The following PLEKHA6 variants were observed in gnomAD, a reference collection of about 807,000 sequenced individuals.
The protein encoded by PLEKHA6 is pleckstrin homology domain-containing family A member 6.
A neutral mutation model predicts 116.7 loss-of-function variants in PLEKHA6; 60 were observed. The observed-to-expected ratio is 0.51, with a 90% CI of 0.42 to 0.64. The LOEUF is 0.64. PLEKHA6 is among the 30% of genes least tolerant of loss of function. The pLI, the probability that PLEKHA6 is intolerant of heterozygous loss-of-function variation, is 0.00. For missense variants in PLEKHA6, 1,338 were observed against 1,422.7 expected (o/e 0.94, Z 0.96); for synonymous variants, 489 against 556.1 (o/e 0.88, Z 1.70).
intron 1 of PLEKHA6, among the ~76,000 whole-genome samples, chr1:204,320,265 G>A (rs4245729): frequency 0.43 from 65,011 of 151,952 alleles, 14,299 homozygotes; most frequent in Middle Eastern, 0.5. Flanking sequence ...TTAGGAGGAT[G>A]GTGGCATGCA....
At position 204,222,759 on chromosome 1, in the gene PLEKHA6, TGGC is replaced by T. The variant is rs1191861845; in HGVS notation, c.*26_*28del. Reference sequence around the variant, plus strand: ...GTGGCTCTGTGGAGCTTCACAGCATTGGCCTCAGCCAGGGCTTGCACTGGAGAA... The same window carrying T: ...GTGGCTCTGTGGAGCTTCACAGCATTCTCAGCCAGGGCTTGCACTGGAGAA... On this transcript the variant is annotated 3_prime_UTR_variant, in exon 23 of 23. Coordinates refer to ENST00000272203, the MANE Select transcript of PLEKHA6 (RefSeq NM_014935.5). The T allele has an allele frequency of 6.5e-6, 1 of 152,884 alleles. No individual in the cohort carries two copies. Among genetic ancestry groups the T allele is most frequent in the African/African-American group, 2.4e-5 (1 of 41,444 alleles). 9.5% of individuals were successfully genotyped at this position (152,884 alleles called of 1,614,324 possible).
chr1:204,256,385 T>G (rs1434788886), intron 9 of PLEKHA6, among the ~76,000 whole-genome samples: 1 of 152,122 alleles, frequency 6.6e-6, no homozygotes, highest in South Asian at 2.1e-4. Flanking sequence ...ATCATATCGC[T>G]TGTATCTCTC....
intron 1 of PLEKHA6, chr1:204,325,797 C>T: frequency 2.0e-6 from 1 of 509,230 alleles, no homozygotes; most frequent in East Asian, 1.5e-4. Context: ...AGACTCTACT[C>T]TGCCTGTCCC....
Position 204,273,760 on chromosome 1 carries a change from A to G in PLEKHA6, c.-13-20T>C, listed in dbSNP as rs764288803. The G allele has an allele frequency of 6.5e-7, 1 of 1,533,828 alleles. No homozygotes were observed. Among genetic ancestry groups the G allele is most frequent in the Non-Finnish European group, 9.0e-7 (1 of 1,106,914 alleles). On this transcript the variant is annotated intron_variant, in intron 2 of 22. Transcript: ENST00000272203. The stretch of plus-strand genomic sequence containing the variant: ...GTCGATCTGATTTCAAGTCGACCAG[A>G]GAAAAGAGATTGGTGAGATCCAAGA...
Position 204,259,229 on chromosome 1 carries a change from GC to G in PLEKHA6, c.1007+28del, listed in dbSNP as rs1447308096. 1.2e-6 allele frequency: 2 copies of G among 1,605,960 alleles called. No individual in the cohort carries two copies. The highest frequency in any genetic ancestry group is 2.2e-5 in the East Asian group (1 of 44,828). ...ACGCTCTAGCCATAATACCATATCA[GC>G]CCCACCCCAGCCGCCGGCATGCCTC... On this transcript the variant is annotated intron_variant, in intron 8 of 22. Transcript: ENST00000272203. This position sits in a 1 kb window ranked among gnomAD's most constrained non-coding sequence, Gnocchi z 4.6.
At chr1:204,264,229 T>C (rs1453730154) in intron 6 of PLEKHA6, among the ~76,000 whole-genome samples, 1 of 152,142 alleles carries the variant, frequency 6.6e-6, no homozygotes, top group Non-Finnish European at 1.5e-5. Flanking sequence ...GGGCATGAGA[T>C]TTTTATAGTT....
intron 1 of PLEKHA6, among the ~76,000 whole-genome samples, chr1:204,304,852 T>C (rs1310322796): frequency 6.6e-6 from 1 of 152,114 alleles, no homozygotes; most frequent in East Asian, 1.9e-4. Context: ...TTAATACACA[T>C]ACTATTCTTT....
At position 204,259,873 on chromosome 1, in the gene PLEKHA6, T is replaced by G. The variant is rs74138410; in HGVS notation, c.525-133A>C. 8.2e-3 allele frequency: 7,427 copies of G among 908,564 alleles called. 171 individuals are homozygous for G. The highest frequency in any genetic ancestry group is 0.075 in the African/African-American group (4,487 of 59,780). The allele number at this position is 908,564 out of a possible 1,614,324, so 56.3% of individuals were successfully genotyped here. A position where few individuals can be genotyped will look rare whatever the true frequency, so the allele number is the denominator to read the frequency against. ...TGGCTGGAACCAGGATTCTATGAAC[T>G]CCAGTTCTGCTTCCTAAGTCCCACC... On this transcript the variant is annotated intron_variant, in intron 7 of 22. Coordinates refer to ENST00000272203, the MANE Select transcript of PLEKHA6 (RefSeq NM_014935.5). This position sits in a 1 kb window ranked among gnomAD's most constrained non-coding sequence, Gnocchi z 4.6.
Position 204,228,159 on chromosome 1 carries a change from C to A in PLEKHA6, c.2955G>T (p.Leu985=), listed in dbSNP as rs1207520772. ...VDVPQDSESQ[L]QEQEKRIEIS... is the part of the protein sequence containing the mutation. ...TTTCAATCCGCTTCTCCTGCTCCTG[C>A]AGCTGGCTCTCTGAGTCCTGGGGCA... is the stretch of plus-strand genomic sequence containing the variant. Residue 985 remains leucine, a synonymous_variant, in exon 21 of 23, where the codon CTG becomes CTT. Coordinates refer to ENST00000272203, the MANE Select transcript of PLEKHA6 (RefSeq NM_014935.5). This position sits in a 1 kb window ranked among gnomAD's most constrained non-coding sequence, Gnocchi z 4.0. 6.2e-7 allele frequency: 1 copy of A among 1,613,366 alleles called. No individual in the cohort carries two copies. Among genetic ancestry groups the A allele is most frequent in the African/African-American group, 1.3e-5 (1 of 74,928 alleles).
intron 6 of PLEKHA6, among the ~76,000 whole-genome samples, chr1:204,263,790 G>T (rs984667436): frequency 6.6e-6 from 1 of 152,036 alleles, no homozygotes; most frequent in Admixed American, 6.5e-5. Context: ...CTTGTTGTTG[G>T]TTAAACAGCC....
rs961404275 is a variant in PLEKHA6, at chr1:204,275,720, A to G, written c.-94-911T>C. ...AGGGGCTGATGCAGCGGTCTAAGCC[A>G]TAATGGCAACCCCCAAGATGGATCC... On this transcript the variant is annotated intron_variant, in intron 1 of 22. Coordinates refer to ENST00000272203, the MANE Select transcript of PLEKHA6 (RefSeq NM_014935.5). 6 of 985,192 alleles carry G rather than the reference A, an allele frequency of 6.1e-6. No individual in the cohort carries two copies. In the African/African-American group the frequency reaches 8.7e-5, roughly 14 times the overall value. The allele number at this position is 985,192 out of a possible 1,614,324, so 61.0% of individuals were successfully genotyped here.
At chr1:204,332,425 G>A (rs1481302233) in intron 1 of PLEKHA6, among the ~76,000 whole-genome samples, 1 of 152,142 alleles carries the variant, frequency 6.6e-6, no homozygotes, top group Non-Finnish European at 1.5e-5. Context: ...AGGCTAGAGT[G>A]CAGTGGCACG....
intron 1 of PLEKHA6, among the ~76,000 whole-genome samples, chr1:204,296,694 C>G (rs1227141327): frequency 6.6e-6 from 1 of 152,222 alleles, no homozygotes; most frequent in African/African-American, 2.4e-5. Flanking sequence ...CTCCTGAGCC[C>G]CTCCAGGCCT....
chr1:204,256,836 T>C (rs752839406), intron 9 of PLEKHA6: 1 of 662,514 alleles, frequency 1.5e-6, no homozygotes, highest in South Asian at 1.6e-5. Context: ...TGGTGGGTAG[T>C]TGTAGGGGAA....
chr1:204,366,657 A>G (rs1673666823), intron 3 of PLEKHA6, among the ~76,000 whole-genome samples: 1 of 152,196 alleles, frequency 6.6e-6, no homozygotes, highest in Non-Finnish European at 1.5e-5. Context: ...GCTACTCAGG[A>G]GGCAGAGGCA....
intron 1 of PLEKHA6, chr1:204,359,478 C>A (rs1281932270): frequency 5.1e-5 from 16 of 311,512 alleles, no homozygotes; most frequent in Non-Finnish European, 1.4e-5. Flanking sequence ...ACAGGGGACT[C>A]TGGAGGTGGG....
chr1:204,283,461 T>C (rs1055538338), intron 1 of PLEKHA6, among the ~76,000 whole-genome samples: 6 of 152,156 alleles, frequency 3.9e-5, no homozygotes, highest in African/African-American at 1.4e-4. Context: ...GCATGTGGAA[T>C]GAAGAGAAAA....
At chr1:204,256,380 A>G (rs1318653265) in intron 9 of PLEKHA6, among the ~76,000 whole-genome samples, 2 of 152,174 alleles carry the variant, frequency 1.3e-5, no homozygotes, top group South Asian at 2.1e-4. Flanking sequence ...CCTCAATCAT[A>G]TCGCTTGTAT....
At position 204,228,439 on chromosome 1, in the gene PLEKHA6, G is replaced by C. The variant is rs751121163; in HGVS notation, c.2886-211C>G. 1.3e-5 allele frequency among the ~76,000 whole-genome samples: 2 copies of C among 152,124 alleles called. No individual in the cohort carries two copies. Among genetic ancestry groups the C allele is most frequent in the Non-Finnish European group, 2.9e-5 (2 of 68,000 alleles). ...TTCAATGTTCTCAAATGAATTAAAA[G>C]GTTCAAGTGAGCATTTAGGGCAGCC... On this transcript the variant is annotated intron_variant, in intron 20 of 22. Coordinates refer to ENST00000272203, the MANE Select transcript of PLEKHA6 (RefSeq NM_014935.5). The surrounding 1 kb of genome is among the most constrained non-coding windows in gnomAD (Gnocchi z 4.0).
Sources: gnomAD v4.1 joint callset for allele counts (sites outside exome capture counted in the v4.1 genomes callset) on GRCh38, gnomAD v4.1.1 for gene constraint, Gnocchi (gnomAD v3.1) non-coding constraint, MANE v1.5 for transcripts, NCBI Gene and HGNC (gene_info 2026-07-23, HGNC 2026-07-21) for gene names.